TUSC3: variants seen among roughly 807,000 people sequenced by gnomAD.
TUSC3 encodes the protein dolichyl-diphosphooligosaccharide--protein glycosyltransferase subunit TUSC3.
In TUSC3, 45 loss-of-function variants were observed where a neutral mutation model predicts 44.8. The observed-to-expected ratio is 1.00, with a 90% CI of 0.79 to 1.29. TUSC3 has a LOEUF of 1.29. Among genes scored for constraint, TUSC3 ranks in the 50% most tolerant of loss-of-function variants. The pLI, the probability that TUSC3 is intolerant of heterozygous loss-of-function variation, is 0.00. For synonymous variants in TUSC3, 212 were observed against 152.9 expected (o/e 1.39, Z -2.85); for missense variants, 519 against 437.9 (o/e 1.19, Z -1.65).
chr8:15,809,987 A>T, the TUSC3 span, among the ~76,000 whole-genome samples: 14 of 152,228 alleles, frequency 9.2e-5, no homozygotes, highest in Non-Finnish European at 1.6e-4. Context: ...CCAGTTAAAT[A>T]GTTCTGAGAC....
intron 1 of TUSC3, among the ~76,000 whole-genome samples, chr8:15,606,917 T>TTG (rs34911405): frequency 0.05 from 7,481 of 149,896 alleles, 221 homozygotes; most frequent in African/African-American, 0.084. Flanking sequence ...TAATAAAACA[T>TTG]TGTGTGTGTG....
intron 6 of TUSC3, among the ~76,000 whole-genome samples, chr8:15,718,114 G>A (rs908351583): frequency 7.2e-5 from 11 of 152,048 alleles, no homozygotes; most frequent in Admixed American, 7.2e-4. Context: ...ACAATTTTAA[G>A]TTTTCAAATG....
At chr8:15,589,215 C>T (rs749438804) in intron 1 of TUSC3, among the ~76,000 whole-genome samples, 1 of 152,116 alleles carries the variant, frequency 6.6e-6, no homozygotes, top group Non-Finnish European at 1.5e-5. Flanking sequence ...ACAGGTGACA[C>T]AAGTTTTTTG....
At chr8:15,503,449 T>C (rs1464972258) in intron 2 of TUSC3, among the ~76,000 whole-genome samples, 1 of 152,158 alleles carries the variant, frequency 6.6e-6, no homozygotes, top group Non-Finnish European at 1.5e-5. Flanking sequence ...AGGACCTTCT[T>C]CTTCTGCCCT....
At chr8:15,811,364 C>T in the TUSC3 span, among the ~76,000 whole-genome samples, 2 of 152,148 alleles carry the variant, frequency 1.3e-5, no homozygotes, top group Non-Finnish European at 2.9e-5. Flanking sequence ...CTCCTAACCT[C>T]GAAGTCCACC....
At chr8:15,455,688 A>G (rs1285685195) in intron 1 of TUSC3, among the ~76,000 whole-genome samples, 1 of 152,144 alleles carries the variant, frequency 6.6e-6, no homozygotes, top group Non-Finnish European at 1.5e-5. Flanking sequence ...AAATTACATC[A>G]GTTTAGGAGA....
intron 5 of TUSC3, among the ~76,000 whole-genome samples, chr8:15,673,191 C>T (rs1016543638): frequency 1.3e-5 from 2 of 151,994 alleles, no homozygotes; most frequent in East Asian, 1.9e-4. Flanking sequence ...ATAATCTTTG[C>T]GAGTTATTCC....
At chr8:15,658,540 A>T (rs935073810) in intron 3 of TUSC3, among the ~76,000 whole-genome samples, 1 of 151,976 alleles carries the variant, frequency 6.6e-6, no homozygotes, top group African/African-American at 2.4e-5. Flanking sequence ...CTGTACTGCA[A>T]GTCAAGGGCT....
At chr8:15,598,942 C>T (rs1464924536) in intron 1 of TUSC3, among the ~76,000 whole-genome samples, 1 of 151,644 alleles carries the variant, frequency 6.6e-6, no homozygotes, top group Non-Finnish European at 1.5e-5. Context: ...TGTTCAATTC[C>T]TTTTGAGTAG....
chr8:15,753,756 G>A (rs1341600245), intron 9 of TUSC3, among the ~76,000 whole-genome samples: 1 of 152,114 alleles, frequency 6.6e-6, no homozygotes, highest in East Asian at 1.9e-4. Context: ...CTAAAAGACT[G>A]CAGAGATATA....
At position 15,760,571 on chromosome 8, in the gene TUSC3, T is replaced by C. The variant is rs188138169; in HGVS notation, c.*46+2716T>C. ...TAAGAATGGCTTCTACAGTTCTAAATCATTGGGGGGTGGGACGTCAACAAA... is the reference window on the plus strand; with the variant it reads ...TAAGAATGGCTTCTACAGTTCTAAACCATTGGGGGGTGGGACGTCAACAAA... On this transcript the variant is annotated intron_variant, in intron 10 of 10. Coordinates refer to ENST00000503731, the MANE Select transcript of TUSC3 (RefSeq NM_006765.4). 8.0e-4 allele frequency among the ~76,000 whole-genome samples: 122 copies of C among 152,218 alleles called. No homozygotes were observed. In the East Asian group the frequency reaches 0.016, roughly 20 times the overall value.
intron 6 of TUSC3, among the ~76,000 whole-genome samples, chr8:15,685,067 C>T (rs1233948276): frequency 6.6e-6 from 1 of 152,178 alleles, no homozygotes; most frequent in Non-Finnish European, 1.5e-5. Flanking sequence ...CACCTCGGGG[C>T]GTGAACACCT....
At chr8:15,648,848 C>CA (rs1806757037) in intron 2 of TUSC3, among the ~76,000 whole-genome samples, 1 of 149,616 alleles carries the variant, frequency 6.7e-6, no homozygotes, top group African/African-American at 2.5e-5. Flanking sequence ...CTGTAACAGT[C>CA]ACCTGTATGT....
At chr8:15,763,749 T>G (rs1437637683) in intron 10 of TUSC3, among the ~76,000 whole-genome samples, 1 of 152,100 alleles carries the variant, frequency 6.6e-6, no homozygotes, top group Admixed American at 6.6e-5. Context: ...TGTATACTCT[T>G]TTTGGTTGTT....
intron 1 of TUSC3, among the ~76,000 whole-genome samples, chr8:15,445,853 G>A (rs1199766921): frequency 1.3e-5 from 2 of 152,216 alleles, no homozygotes; most frequent in Admixed American, 1.3e-4. Flanking sequence ...ATGGTAGACG[G>A]GGTGGCGGCC....
chr8:15,451,279 T>G (rs1470833513), intron 1 of TUSC3, among the ~76,000 whole-genome samples: 1 of 152,186 alleles, frequency 6.6e-6, no homozygotes, highest in East Asian at 1.9e-4. Flanking sequence ...CTGGAATCCC[T>G]TTAGTAATAA....
At chr8:15,560,542 C>G (rs866303091) in intron 1 of TUSC3, among the ~76,000 whole-genome samples, 2 of 147,610 alleles carry the variant, frequency 1.4e-5, no homozygotes, top group African/African-American at 4.9e-5. Flanking sequence ...TGAATCTGAA[C>G]GTTGGCCTGC....
the TUSC3 span, among the ~76,000 whole-genome samples, chr8:15,818,959 C>T: frequency 1.3e-5 from 2 of 152,106 alleles, no homozygotes; most frequent in African/African-American, 4.8e-5. Context: ...TGCAGTGGTT[C>T]ACACCTATAC....
chr8:15,826,084 G>C, the TUSC3 span, among the ~76,000 whole-genome samples: 1 of 152,046 alleles, frequency 6.6e-6, no homozygotes, highest in Non-Finnish European at 1.5e-5. Flanking sequence ...GGTATGTTGT[G>C]TCTGAACTGA....
Sources: gnomAD v4.1 joint callset for allele counts (sites outside exome capture counted in the v4.1 genomes callset) on GRCh38, gnomAD v4.1.1 for gene constraint, MANE v1.5 for transcripts, NCBI Gene and HGNC (gene_info 2026-07-23, HGNC 2026-07-21) for gene names.